BBS9: variants seen among roughly 807,000 people sequenced by gnomAD.
BBS9 encodes Bardet-Biedl syndrome 9.
BBS9 carries 89 observed loss-of-function variants against 117.7 expected under a neutral mutation model. The observed-to-expected ratio is 0.76, with a 90% CI of 0.64 to 0.90. The LOEUF (loss-of-function observed/expected upper bound fraction) is 0.90, where lower values mean the gene tolerates loss of function less well. BBS9 is among the 40% of genes least tolerant of loss of function. The pLI, the probability that BBS9 is intolerant of heterozygous loss-of-function variation, is 0.00. For synonymous variants in BBS9, 379 were observed against 370.9 expected (o/e 1.02, Z -0.25); for missense variants, 982 against 1,042.2 (o/e 0.94, Z 0.80).
rs1044547211 is a variant in BBS9 at position 33,138,542 on chromosome 7, G to A, written c.-11-7700G>A. Among the ~76,000 whole-genome samples the A allele has an allele frequency of 2.0e-5, 3 of 147,518 alleles. No homozygotes were observed. The South Asian group carries it at 6.6e-4, about 32-fold the overall frequency. Reference sequence around the variant, plus strand: ...TGATCCAGGGATTACACCTGGAGTAGCAAGGGACCAAACTCTGTGAAAAGG... The same window carrying A: ...TGATCCAGGGATTACACCTGGAGTAACAAGGGACCAAACTCTGTGAAAAGG... On this transcript the variant is annotated intron_variant, in intron 1 of 22. Coordinates refer to ENST00000242067, the MANE Select transcript of BBS9 (RefSeq NM_198428.3).
chr7:33,233,349 G>GT (rs1202603340), intron 5 of BBS9, among the ~76,000 whole-genome samples: 1 of 152,036 alleles, frequency 6.6e-6, no homozygotes, highest in East Asian at 1.9e-4. Context: ...GTCACAAAAA[G>GT]TTTTTTTATA....
At chr7:33,459,413 A>C (rs1474195913) in intron 19 of BBS9, among the ~76,000 whole-genome samples, 2 of 151,760 alleles carry the variant, frequency 1.3e-5, no homozygotes, top group Non-Finnish European at 2.9e-5. Context: ...TGATGTTGCT[A>C]AACTTCCTAC....
At chr7:33,314,341 A>T (rs1809993079) in intron 9 of BBS9, 1 of 401,682 alleles carries the variant, frequency 2.5e-6, no homozygotes, top group South Asian at 2.0e-5. Flanking sequence ...GAGAGGATAT[A>T]TCTGAATACT....
intron 19 of BBS9, among the ~76,000 whole-genome samples, chr7:33,477,253 A>G (rs1841924889): frequency 6.6e-6 from 1 of 152,198 alleles, no homozygotes; most frequent in Admixed American, 6.5e-5. Context: ...CATCATCGTC[A>G]TCATTGTTGT....
Position 33,605,277 on chromosome 7 carries a change from C to T in BBS9, c.*51C>T. On this transcript the variant is annotated 3_prime_UTR_variant, in exon 23 of 23. Transcript: ENST00000242067. ...GGAACATCCCCATCTCAAGGCCGAA[C>T]CTGTGTGAACCTCATGCCAAGCACA... is the stretch of plus-strand genomic sequence containing the variant. 6.4e-7 allele frequency: 1 copy of T among 1,551,554 alleles called. No individual in the cohort carries two copies. Among genetic ancestry groups the T allele is most frequent in the Non-Finnish European group, 8.9e-7 (1 of 1,123,192 alleles).
At chr7:33,434,105 T>C (rs979445576) in intron 19 of BBS9, among the ~76,000 whole-genome samples, 1 of 151,936 alleles carries the variant, frequency 6.6e-6, no homozygotes, top group East Asian at 1.9e-4. Context: ...AGTTTTTTTA[T>C]CAATAATGAT....
chr7:33,338,878 T>C (rs900651315), intron 10 of BBS9, among the ~76,000 whole-genome samples: 8 of 152,140 alleles, frequency 5.3e-5, no homozygotes, highest in African/African-American at 1.7e-4. Flanking sequence ...AAGGACTGGG[T>C]GCAACATTGA....
chr7:33,594,369 A>G (rs992078563), intron 21 of BBS9, among the ~76,000 whole-genome samples: 1 of 152,088 alleles, frequency 6.6e-6, no homozygotes, highest in African/African-American at 2.4e-5. Flanking sequence ...GACACACACT[A>G]CAGTGACCTT....
intron 19 of BBS9, among the ~76,000 whole-genome samples, chr7:33,396,135 A>T (rs1170035116): frequency 6.6e-6 from 1 of 152,180 alleles, no homozygotes; most frequent in Non-Finnish European, 1.5e-5. Flanking sequence ...TGGAATTTGT[A>T]CATTTTTACC....
chr7:33,393,501 G>A (rs545899384), intron 19 of BBS9, among the ~76,000 whole-genome samples: 3 of 152,248 alleles, frequency 2.0e-5, no homozygotes, highest in East Asian at 3.9e-4. Flanking sequence ...CTCAAATAAC[G>A]TAGCTGGTCC....
In BBS9 at chr7:33,487,946, G is replaced by T. The variant is rs140213861; in HGVS notation, c.2116-17517G>T. Among the ~76,000 whole-genome samples, 12 of 152,252 alleles carry T rather than the reference G, an allele frequency of 7.9e-5. No homozygotes were observed. In the East Asian group the frequency reaches 2.3e-3, roughly 29 times the overall value. On this transcript the variant is annotated intron_variant, in intron 19 of 22. Transcript: ENST00000242067. ...GGGAAAATAATTATCAATATCCGAG[G>T]TGTGATAGGCTATAAATTGTACATG...
At chr7:33,325,449 CAT>C (rs757669875) in intron 9 of BBS9, among the ~76,000 whole-genome samples, 6 of 152,316 alleles carry the variant, frequency 3.9e-5, no homozygotes, top group African/African-American at 4.8e-5. Context: ...TGAAAGGTCA[CAT>C]ATCTCTGTCT....
intron 13 of BBS9, among the ~76,000 whole-genome samples, chr7:33,350,900 G>C (rs1818523755): frequency 6.6e-6 from 1 of 152,130 alleles, no homozygotes; most frequent in African/African-American, 2.4e-5. Flanking sequence ...TCTCATGTTG[G>C]CTAGGCTGGT....
rs948386021 is a variant in BBS9, at chr7:33,417,888, C to T, written c.2115+29744C>T. On this transcript the variant is annotated intron_variant, in intron 19 of 22. Coordinates refer to ENST00000242067, the MANE Select transcript of BBS9 (RefSeq NM_198428.3). Reference sequence around the variant, plus strand: ...AACAAAGGTTTCTACTGACTTGCTACGTTCACTTTTTGAGTTTGGGCACTC... The same window carrying T: ...AACAAAGGTTTCTACTGACTTGCTATGTTCACTTTTTGAGTTTGGGCACTC... 6.6e-5 allele frequency among the ~76,000 whole-genome samples: 10 copies of T among 152,140 alleles called. 1 individual carries two copies. Among genetic ancestry groups the T allele is most frequent in the Admixed American group, 3.9e-4 (6 of 15,284 alleles).
At chr7:33,495,601 ATTC>A (rs998760058) in intron 19 of BBS9, among the ~76,000 whole-genome samples, 2 of 152,200 alleles carry the variant, frequency 1.3e-5, no homozygotes, top group Non-Finnish European at 2.9e-5. Context: ...GAGAACATTC[ATTC>A]TTCTTTTTAC....
intron 9 of BBS9, among the ~76,000 whole-genome samples, chr7:33,302,237 C>G (rs75370211): frequency 4.7e-4 from 71 of 152,214 alleles, no homozygotes; most frequent in African/African-American, 1.5e-3. Flanking sequence ...TGTCTCTTCA[C>G]TTGGTTGATT....
chr7:33,343,230 C>T (rs1328636666), intron 11 of BBS9, among the ~76,000 whole-genome samples: 1 of 152,052 alleles, frequency 6.6e-6, no homozygotes, highest in Non-Finnish European at 1.5e-5. Context: ...TTTAATTGGT[C>T]CCCAGAATTC....
chr7:33,223,828 G>T (rs1246289065), intron 5 of BBS9, among the ~76,000 whole-genome samples: 1 of 152,040 alleles, frequency 6.6e-6, no homozygotes, highest in African/African-American at 2.4e-5. Context: ...TTATATTTGG[G>T]TCTATTTTAC....
intron 5 of BBS9, among the ~76,000 whole-genome samples, chr7:33,256,917 A>G (rs904268084): frequency 4.6e-5 from 7 of 152,042 alleles, no homozygotes; most frequent in Non-Finnish European, 5.9e-5. Context: ...TTCTATGATA[A>G]ACTGTATCAG....
Sources: allele counts gnomAD v4.1 joint callset (sites outside exome capture counted in the v4.1 genomes callset), GRCh38; gene constraint gnomAD v4.1.1; transcripts MANE v1.5; gene names NCBI Gene and HGNC (gene_info 2026-07-23, HGNC 2026-07-21).